PGM5: variants seen among roughly 807,000 people sequenced by gnomAD.
PGM5 encodes the protein phosphoglucomutase-like protein 5.
PGM5 carries 23 observed loss-of-function variants against 59.2 expected under a neutral mutation model. That is an observed-to-expected ratio of 0.39 (90% CI 0.28 to 0.55). PGM5 has a LOEUF of 0.55. PGM5 is among the 20% of genes least tolerant of loss of function. The pLI is 0.66. For missense variants in PGM5, 574 were observed against 748.3 expected (o/e 0.77, Z 2.72); for synonymous variants, 214 against 286.0 (o/e 0.75, Z 2.54).
chr9:68,495,075 T>C (rs561810331), intron 9 of PGM5, among the ~76,000 whole-genome samples: 191 of 152,302 alleles, frequency 1.3e-3, no homozygotes, highest in African/African-American at 3.1e-3. Flanking sequence ...GAATGAGGTA[T>C]ATAAGGCTCT....
intron 6 of PGM5, among the ~76,000 whole-genome samples, chr9:68,451,790 T>G (rs1450766721): frequency 3.3e-5 from 5 of 152,176 alleles, no homozygotes; most frequent in African/African-American, 1.2e-4. Flanking sequence ...TCTGCCTGAA[T>G]TCAGGTGAGG....
intron 6 of PGM5, among the ~76,000 whole-genome samples, chr9:68,421,434 C>T (rs1169011631): frequency 6.6e-6 from 1 of 152,114 alleles, no homozygotes; most frequent in African/African-American, 2.4e-5. Flanking sequence ...ATACTTAGAG[C>T]TGGCCAGGCA....
chr9:68,500,785 C>T lies in PGM5; in HGVS notation c.1614+1424C>T, dbSNP rs192561878. Among the ~76,000 whole-genome samples, 291 of 152,192 alleles carry T rather than the reference C, an allele frequency of 1.9e-3. 1 individual carries two copies. The highest frequency in any genetic ancestry group is 6.2e-3 in the African/African-American group (256 of 41,508). ...CACCAACTCTGACTCACTCTGACTC[C>T]GGGCTATTTTTTCCTCAACATTCTT... On this transcript the variant is annotated intron_variant, in intron 10 of 10. Coordinates refer to ENST00000396396, the MANE Select transcript of PGM5 (RefSeq NM_021965.4).
intron 6 of PGM5, among the ~76,000 whole-genome samples, chr9:68,410,023 A>G (rs1478407571): frequency 6.6e-6 from 1 of 152,186 alleles, no homozygotes; most frequent in Admixed American, 6.5e-5. Flanking sequence ...AAGAGCCCCC[A>G]GGGGCCACAT....
At chr9:68,425,676 T>G (rs564738754) in intron 6 of PGM5, among the ~76,000 whole-genome samples, 3,586 of 152,252 alleles carry the variant, frequency 0.024, 130 homozygotes, top group African/African-American at 0.079. Context: ...TAAATGGTGT[T>G]TATTTGTTCA....
At chr9:68,464,355 A>G (rs1402382347) in intron 6 of PGM5, among the ~76,000 whole-genome samples, 1 of 152,198 alleles carries the variant, frequency 6.6e-6, no homozygotes, top group Non-Finnish European at 1.5e-5. Context: ...GAGAAGTTGG[A>G]TTGAAATGCA....
At position 68,374,656 on chromosome 9, in the gene PGM5, T is replaced by A. The variant is rs1417590006; in HGVS notation, c.262-3543T>A. Reference sequence around the variant, plus strand: ...GGTGGTGCTGGCTGTTAGCCTCCCATCTGATCCTCCTCTTTCCGCTCCTGC... The same window carrying A: ...GGTGGTGCTGGCTGTTAGCCTCCCAACTGATCCTCCTCTTTCCGCTCCTGC... On this transcript the variant is annotated intron_variant, in intron 1 of 10. Transcript: ENST00000396396. 2.0e-5 allele frequency among the ~76,000 whole-genome samples: 3 copies of A among 150,930 alleles called. No homozygotes were observed. The East Asian group carries it at 6.0e-4, about 30-fold the overall frequency.
chr9:68,386,538 G>T (rs1389101532), intron 3 of PGM5, among the ~76,000 whole-genome samples: 15 of 152,272 alleles, frequency 9.9e-5, no homozygotes, highest in African/African-American at 3.1e-4. Context: ...AAAAATTATT[G>T]AAAGTGGGTT....
chr9:68,447,968 A>T (rs1823640795), intron 6 of PGM5, among the ~76,000 whole-genome samples: 1 of 152,214 alleles, frequency 6.6e-6, no homozygotes, highest in Non-Finnish European at 1.5e-5. Context: ...GAAACAAATT[A>T]AATTGGAGCA....
intron 1 of PGM5, among the ~76,000 whole-genome samples, chr9:68,362,351 G>T (rs1834592782): frequency 6.6e-6 from 1 of 152,148 alleles, no homozygotes; most frequent in Admixed American, 6.5e-5. Flanking sequence ...GTGGATGCTT[G>T]GATTTTTATA....
chr9:68,410,214 T>G (rs1252481591), intron 6 of PGM5, among the ~76,000 whole-genome samples: 2 of 152,210 alleles, frequency 1.3e-5, no homozygotes, highest in African/African-American at 4.8e-5. Flanking sequence ...TAGTTGACAC[T>G]TTTGCATATA....
intron 6 of PGM5, among the ~76,000 whole-genome samples, chr9:68,419,650 A>G (rs1437445557): frequency 6.6e-6 from 1 of 152,208 alleles, no homozygotes; most frequent in African/African-American, 2.4e-5. Flanking sequence ...TTCCCTGGTA[A>G]CCAGCATCTA....
chr9:68,500,065 T>C (rs1554688510), intron 10 of PGM5, among the ~76,000 whole-genome samples: 1 of 152,182 alleles, frequency 6.6e-6, no homozygotes, highest in African/African-American at 2.4e-5. Context: ...GCTCCTGTCT[T>C]CTTGGTGTCT....
intron 6 of PGM5, among the ~76,000 whole-genome samples, chr9:68,432,966 G>A (rs1554683139): frequency 6.6e-6 from 1 of 151,994 alleles, no homozygotes; most frequent in Non-Finnish European, 1.5e-5. Context: ...ATGGAATCTT[G>A]TACACAATAA....
At chr9:68,458,278 C>G (rs918041668) in intron 6 of PGM5, among the ~76,000 whole-genome samples, 1 of 152,014 alleles carries the variant, frequency 6.6e-6, no homozygotes, top group Non-Finnish European at 1.5e-5. Context: ...TGTTGCCTAA[C>G]AAAATTTAAG....
intron 10 of PGM5, among the ~76,000 whole-genome samples, chr9:68,501,763 G>A (rs1363966955): frequency 6.6e-6 from 1 of 152,104 alleles, no homozygotes; most frequent in Admixed American, 6.5e-5. Flanking sequence ...AAATTATTTT[G>A]CAAGAGAACA....
intron 1 of PGM5, among the ~76,000 whole-genome samples, chr9:68,361,916 G>A (rs548991691): frequency 1.3e-5 from 2 of 151,992 alleles, no homozygotes; most frequent in Admixed American, 6.5e-5. Context: ...AGGTTAGGGC[G>A]ATCACTGCCT....
chr9:68,382,864 T>C (rs1361463583), intron 2 of PGM5, among the ~76,000 whole-genome samples: 13 of 151,728 alleles, frequency 8.6e-5, no homozygotes, highest in Admixed American at 1.3e-4. Context: ...TGGAAATCAG[T>C]GTGCTTTGGC....
chr9:68,366,588 C>T (rs1190223428), intron 1 of PGM5, among the ~76,000 whole-genome samples: 1 of 152,382 alleles, frequency 6.6e-6, no homozygotes, highest in African/African-American at 2.4e-5. Flanking sequence ...ATTCCATATA[C>T]ATCTCTGGAT....
Sources: gnomAD v4.1 joint callset for allele counts (sites outside exome capture counted in the v4.1 genomes callset) on GRCh38, gnomAD v4.1.1 for gene constraint, MANE v1.5 for transcripts, NCBI Gene and HGNC (gene_info 2026-07-23, HGNC 2026-07-21) for gene names.